Variants in RAB3IL1 observed in about 807,000 individuals in gnomAD.
The protein encoded by RAB3IL1 is guanine nucleotide exchange factor for Rab-3A.
A neutral mutation model predicts 49.2 loss-of-function variants in RAB3IL1; 37 were observed. That is an observed-to-expected ratio of 0.75 (90% CI 0.58 to 0.99). The LOEUF (loss-of-function observed/expected upper bound fraction) is 0.99. RAB3IL1 is among the 50% of genes least tolerant of loss of function. The pLI is 0.00. For missense variants in RAB3IL1, 484 were observed against 513.0 expected, an observed-to-expected ratio of 0.94 and a Z score of 0.55; for synonymous variants, 193 against 213.9, an observed-to-expected ratio of 0.90 and a Z score of 0.85.
chr11:61,931,271 T>C, the RAB3IL1 span, among the ~76,000 whole-genome samples: 4 of 152,138 alleles, frequency 2.6e-5, no homozygotes, highest in Non-Finnish European at 5.9e-5. Context: ...GAGGGTTAAG[T>C]GATTATATAC....
intron 1 of RAB3IL1, among the ~76,000 whole-genome samples, chr11:61,911,767 C>T (rs1323487488): frequency 6.6e-6 from 1 of 152,196 alleles, no homozygotes. Flanking sequence ...CCAACATCCC[C>T]CATCCCAAAG....
Position 61,898,370 on chromosome 11 carries a change from G to C in RAB3IL1, c.1067-10C>G. 3 of 1,612,752 alleles carry C rather than the reference G, an allele frequency of 1.9e-6. No individual in the cohort carries two copies. The highest frequency in any genetic ancestry group is 2.5e-6 in the Non-Finnish European group (3 of 1,179,588). ...CAGAACATGGGCTCTGCTGCAGGCAGAGAGAGGGTGAACAGGTCGGGGACA... is the reference window on the plus strand; with the variant it reads ...CAGAACATGGGCTCTGCTGCAGGCACAGAGAGGGTGAACAGGTCGGGGACA... On this transcript the variant is annotated splice_polypyrimidine_tract_variant and intron_variant, in intron 9 of 9. Transcript: ENST00000394836. This position sits in a 1 kb window ranked among gnomAD's most constrained non-coding sequence, Gnocchi z 5.1.
intron 8 of RAB3IL1, 23 bp downstream of exon 8, chr11:61,902,419 A>G (rs374549951): frequency 1.3e-6 from 2 of 1,568,028 alleles, no homozygotes; most frequent in Non-Finnish European, 1.7e-6. Context: ...GGAGTCAAGT[A>G]ACGCTTGCAA....
chr11:61,918,954 C>T (rs1212258928), upstream of RAB3IL1, among the ~76,000 whole-genome samples: 1 of 152,204 alleles, frequency 6.6e-6, no homozygotes, highest in Non-Finnish European at 1.5e-5. Flanking sequence ...CTATGTTCCC[C>T]TACCCCACCC....
At chr11:61,904,494 C>T in intron 7 of RAB3IL1, 52 bp downstream of exon 7, 2 of 1,517,624 alleles carry the variant, frequency 1.3e-6, no homozygotes, top group Non-Finnish European at 1.8e-6. Flanking sequence ...AAACACACGG[C>T]TTGGCGGGGC....
the RAB3IL1 span, among the ~76,000 whole-genome samples, chr11:61,936,579 T>G: frequency 6.6e-6 from 1 of 152,200 alleles, no homozygotes; most frequent in Non-Finnish European, 1.5e-5. Flanking sequence ...TTACCTTAAG[T>G]GATCCACCCA....
the RAB3IL1 span, among the ~76,000 whole-genome samples, chr11:61,931,467 G>C: frequency 6.6e-6 from 1 of 152,136 alleles, no homozygotes; most frequent in Non-Finnish European, 1.5e-5. Context: ...CCAGCTCAAA[G>C]TCAACATGCT....
chr11:61,902,684 C>T (rs1437103251), intron 7 of RAB3IL1, 143 bp from the exon 8 acceptor site: 5 of 748,494 alleles, frequency 6.7e-6, no homozygotes, highest in Non-Finnish European at 1.1e-5. Context: ...CCAAAGGAAC[C>T]CAGAGCCAGG....
chr11:61,906,743 AC>A lies in RAB3IL1; in HGVS notation c.439-60del, dbSNP rs2136039676. ...CAGACTGGATGCCATCCTGGCTGCC[AC>A]CGCCTATCAGCCTAACTCAGGACAA... On this transcript the variant is annotated intron_variant, in intron 4 of 9. Coordinates refer to ENST00000394836, the MANE Select transcript of RAB3IL1 (RefSeq NM_013401.4). The surrounding 1 kb of genome is among the most constrained non-coding windows in gnomAD (Gnocchi z 4.6). 6.7e-7 allele frequency: 1 copy of A among 1,482,318 alleles called. No homozygotes were observed. The highest frequency in any genetic ancestry group is 2.4e-5 in the East Asian group (1 of 41,650). The allele number at this position is 1,482,318 out of a possible 1,614,324, so 91.8% of individuals were successfully genotyped here.
intron 1 of RAB3IL1, among the ~76,000 whole-genome samples, chr11:61,915,974 C>T (rs942249968): frequency 2.0e-5 from 3 of 149,332 alleles, no homozygotes; most frequent in African/African-American, 7.5e-5. Flanking sequence ...GGAGGTGGAG[C>T]TTGCACTGAG....
the RAB3IL1 span, among the ~76,000 whole-genome samples, chr11:61,942,455 A>T: frequency 1.4e-5 from 2 of 145,404 alleles, no homozygotes; most frequent in Non-Finnish European, 3.0e-5. Context: ...AATTATCAAT[A>T]AAAAAATAAA....
At chr11:61,920,361 C>T, upstream of RAB3IL1, 2 of 877,172 alleles carry the variant, frequency 2.3e-6, no homozygotes, top group Non-Finnish European at 3.0e-6. Flanking sequence ...CTCCTTCAAC[C>T]CCGTAATTAT....
chr11:61,906,541 G>A lies in RAB3IL1; in HGVS notation c.582C>T (p.Ser194=). The change falls in exon 5 of 10, where the codon AGC becomes AGT. Residue 194 remains serine, a synonymous_variant. Transcript: ENST00000394836. The surrounding 1 kb of genome is among the most constrained non-coding windows in gnomAD (Gnocchi z 4.6). ...CGGCGGGGCAGAGGGTGCTGCTGGT[G>A]CTCTTGTGGCGAGAGTGGCCCTTTC... The part of the protein sequence containing the change: ...GPRKGHSRHK[S]TSSTLCPAVC... 1 of 1,573,364 alleles carries A rather than the reference G, an allele frequency of 6.4e-7. No individual in the cohort carries two copies. Among genetic ancestry groups the A allele is most frequent in the Non-Finnish European group, 8.6e-7 (1 of 1,160,136 alleles).
upstream of RAB3IL1, among the ~76,000 whole-genome samples, chr11:61,923,649 A>T (rs959121336): frequency 5.3e-5 from 8 of 152,204 alleles, no homozygotes; most frequent in Non-Finnish European, 7.3e-5. Context: ...GAACTTCCTC[A>T]GGTCAGCCAG....
the RAB3IL1 span, among the ~76,000 whole-genome samples, chr11:61,925,957 G>A: frequency 6.6e-6 from 1 of 152,092 alleles, no homozygotes; most frequent in East Asian, 1.9e-4. Context: ...ACAGCTGTGT[G>A]CATAAAAAAT....
intron 9 of RAB3IL1, chr11:61,899,070 G>A: frequency 1.7e-6 from 1 of 576,494 alleles, no homozygotes; most frequent in Admixed American, 2.6e-5. Flanking sequence ...ATTCACAGGG[G>A]TGGCCCCCTT....
chr11:61,939,067 C>G, the RAB3IL1 span, among the ~76,000 whole-genome samples: 3 of 151,778 alleles, frequency 2.0e-5, no homozygotes, highest in East Asian at 5.8e-4. Context: ...CTCTACCCAA[C>G]CATAGCAGAA....
upstream of RAB3IL1, among the ~76,000 whole-genome samples, chr11:61,920,751 C>G (rs1322057916): frequency 6.6e-6 from 1 of 152,198 alleles, no homozygotes; most frequent in African/African-American, 2.4e-5. Context: ...TGGTGAAACC[C>G]TGTCTCTACT....
chr11:61,899,084 C>T (rs545761337), intron 9 of RAB3IL1, among the ~76,000 whole-genome samples: 5 of 152,292 alleles, frequency 3.3e-5, no homozygotes, highest in South Asian at 2.1e-4. Context: ...CCCCCTTGTG[C>T]GGGGCCGGGA....
Sources: gnomAD v4.1 joint callset for allele counts (sites outside exome capture counted in the v4.1 genomes callset) on GRCh38, gnomAD v4.1.1 for gene constraint, Gnocchi (gnomAD v3.1) non-coding constraint, MANE v1.5 for transcripts, NCBI Gene and HGNC (gene_info 2026-07-23, HGNC 2026-07-21) for gene names.